ITGA11: variants seen among roughly 807,000 people sequenced by gnomAD.
ITGA11 encodes integrin alpha-11.
A neutral mutation model predicts 141.9 loss-of-function variants in ITGA11; 97 were observed. That is an observed-to-expected ratio of 0.68 (90% CI 0.58 to 0.81). The LOEUF is 0.81. Ranked by LOEUF, ITGA11 falls within the 30% of genes least tolerant of loss-of-function variation. ITGA11 has a pLI of 0.00. For synonymous variants in ITGA11, 658 were observed against 624.6 expected (o/e 1.05, Z -0.80); for missense variants, 1,387 against 1,559.2 (o/e 0.89, Z 1.86).
chr15:68,318,693 G>A (rs1000085519), intron 20 of ITGA11, among the ~76,000 whole-genome samples: 3 of 152,056 alleles, frequency 2.0e-5, no homozygotes, highest in African/African-American at 7.2e-5. Context: ...TCCCCTCCTG[G>A]CTATAGGAAC....
At position 68,335,630 on chromosome 15, in the gene ITGA11, T is replaced by A. The variant is rs1186267708; in HGVS notation, c.1425+67A>T. ...GTGGTCCAGGCATGCCTGTATTTAC[T>A]GCCCTCCCATTTGTCTGATCTGCCC... On this transcript the variant is annotated intron_variant, in intron 12 of 29. Coordinates refer to ENST00000315757, the MANE Select transcript of ITGA11 (RefSeq NM_001004439.2). The surrounding 1 kb of genome is among the most constrained non-coding windows in gnomAD (Gnocchi z 4.9). 1 of 1,548,470 alleles carries A rather than the reference T, an allele frequency of 6.5e-7. No homozygotes were observed. Among genetic ancestry groups the A allele is most frequent in the East Asian group, 2.3e-5 (1 of 43,026 alleles).
intron 1 of ITGA11, among the ~76,000 whole-genome samples, chr15:68,422,231 AT>A (rs1413192271): frequency 6.6e-6 from 1 of 151,994 alleles, no homozygotes; most frequent in Non-Finnish European, 1.5e-5. Context: ...CCCTAGCAAC[AT>A]TCTCCACTGC....
chr15:68,353,031 AT>A (rs1327972601), intron 7 of ITGA11, among the ~76,000 whole-genome samples: 1 of 152,208 alleles, frequency 6.6e-6, no homozygotes. Context: ...CTCTGAGGTT[AT>A]TCCTCATGGG....
intron 1 of ITGA11, among the ~76,000 whole-genome samples, chr15:68,405,051 C>T (rs1182085260): frequency 6.6e-6 from 1 of 152,218 alleles, no homozygotes; most frequent in East Asian, 1.9e-4. Flanking sequence ...CGCCACTCTC[C>T]TTCCCCTGGG....
At chr15:68,398,798 TAAG>T (rs1338182859) in intron 2 of ITGA11, among the ~76,000 whole-genome samples, 6 of 140,016 alleles carry the variant, frequency 4.3e-5, no homozygotes, top group East Asian at 2.0e-4. Context: ...TAAAATGAAA[TAAG>T]AATAGTTTAT....
intron 22 of ITGA11, among the ~76,000 whole-genome samples, chr15:68,314,243 G>A (rs1893493506): frequency 6.6e-6 from 1 of 152,202 alleles, no homozygotes; most frequent in South Asian, 2.1e-4. Flanking sequence ...TGACACCTGT[G>A]GCAAAGGCTG....
rs951071292 is a variant in ITGA11 at position 68,300,537 on chromosome 15, A to G, written c.*2522T>C. 2 of 152,228 alleles carry G rather than the reference A, an allele frequency of 1.3e-5. No homozygotes were observed. The highest frequency in any genetic ancestry group is 2.9e-5 in the Non-Finnish European group (2 of 68,036). 9.4% of individuals were successfully genotyped at this position (152,228 alleles called of 1,614,324 possible). ...ATAGACTTTGCTCCCTATAAGATGC[A>G]TCTTTGTTTGCTCTACCAGGCACTC... On this transcript the variant is annotated 3_prime_UTR_variant, in exon 30 of 30. Coordinates refer to ENST00000315757, the MANE Select transcript of ITGA11 (RefSeq NM_001004439.2).
In ITGA11 at chr15:68,332,361, C is replaced by G; in HGVS notation, c.1543G>C (p.Val515Leu). The change falls in exon 13 of 30, where the codon GTG becomes CTG. Residue 515 changes from valine to leucine, a missense_variant. Coordinates refer to ENST00000315757, the MANE Select transcript of ITGA11 (RefSeq NM_001004439.2). ...YFNEGRERGK[V>L]YVYELRQNLF... ...ACCTGTCTCAGCTCATAGACGTACA[C>G]CTTGCCTCGCTCACGGCCCTCGTTG... 1.9e-6 allele frequency: 3 copies of G among 1,608,140 alleles called. No homozygotes were observed. Among genetic ancestry groups the G allele is most frequent in the Non-Finnish European group, 2.5e-6 (3 of 1,177,834 alleles).
rs1894046677 is a variant in ITGA11, at chr15:68,328,300, G to A, written c.1902-38C>T. 1 of 1,588,534 alleles carries A rather than the reference G, an allele frequency of 6.3e-7. No individual in the cohort carries two copies. Among genetic ancestry groups the A allele is most frequent in the Admixed American group, 1.7e-5 (1 of 58,958 alleles). The stretch of plus-strand genomic sequence containing the variant: ...GGCCAGTGAGCTGGGGTGGGGCAGG[G>A]GCTCAGGCTGCCCTGCTGTGACCAT... On this transcript the variant is annotated intron_variant, in intron 15 of 29. Coordinates refer to ENST00000315757, the MANE Select transcript of ITGA11 (RefSeq NM_001004439.2). This position sits in a 1 kb window ranked among gnomAD's most constrained non-coding sequence, Gnocchi z 4.8.
chr15:68,355,871 G>T (rs1895056826), intron 7 of ITGA11, among the ~76,000 whole-genome samples: 1 of 152,122 alleles, frequency 6.6e-6, no homozygotes, highest in African/African-American at 2.4e-5. Context: ...ATTTATAGGT[G>T]TAACACTTAG....
rs769700453 is a variant in ITGA11, at chr15:68,332,354, A to G, written c.1550T>C (p.Val517Ala). 3.1e-6 allele frequency: 5 copies of G among 1,606,952 alleles called. No homozygotes were observed. Among genetic ancestry groups the G allele is most frequent in the Non-Finnish European group, 4.2e-6 (5 of 1,177,460 alleles). The change falls in exon 13 of 30, where the codon GTC (valine) becomes GCC (alanine). Residue 517 changes from valine (V) to alanine (A), a missense_variant. Val to Ala is a moderately conservative substitution (Grantham distance 64). Coordinates refer to ENST00000315757, the MANE Select transcript of ITGA11 (RefSeq NM_001004439.2). ...NEGRERGKVYVYELRQNLFVY... is the reference protein window; with the variant it reads ...NEGRERGKVYAYELRQNLFVY... ...CAGCTGTACCTGTCTCAGCTCATAG[A>G]CGTACACCTTGCCTCGCTCACGGCC...
chr15:68,301,501 T>G lies in ITGA11; in HGVS notation c.*1558A>C, dbSNP rs1256782177. ...AGGGTGATCTTGGGAGAGGGAGCGC[T>G]CCACCACTGGAGACGTCACACGGAG... is the stretch of plus-strand genomic sequence containing the variant. On this transcript the variant is annotated 3_prime_UTR_variant, in exon 30 of 30. Coordinates refer to ENST00000315757, the MANE Select transcript of ITGA11 (RefSeq NM_001004439.2). This position sits in a 1 kb window ranked among gnomAD's most constrained non-coding sequence, Gnocchi z 4.4. The G allele has an allele frequency of 1.3e-5, 2 of 152,150 alleles. No homozygotes were observed. The highest frequency in any genetic ancestry group is 2.9e-5 in the Non-Finnish European group (2 of 68,104). The allele number at this position is 152,150 out of a possible 1,614,324, so 9.4% of individuals were successfully genotyped here.
At position 68,311,014 on chromosome 15, in the gene ITGA11, A is replaced by G. The variant is rs752996913; in HGVS notation, c.3154T>C (p.Leu1052=). 1.4e-5 allele frequency: 22 copies of G among 1,605,294 alleles called. No homozygotes were observed. The highest frequency in any genetic ancestry group is 5.1e-5 in the Admixed American group (3 of 59,054). ...CTCACCAGCTGTGGAGCACGACGCA[A>G]GTCTTCCTCCACTGGGGTGGGCCGG... ...EYRPTPVEED[L]RRAPQLNHSN... Residue 1052 remains leucine (L), a synonymous_variant, in exon 26 of 30, where the codon TTG becomes CTG. Coordinates refer to ENST00000315757, the MANE Select transcript of ITGA11 (RefSeq NM_001004439.2).
intron 2 of ITGA11, among the ~76,000 whole-genome samples, chr15:68,392,583 T>C (rs1896147001): frequency 6.6e-6 from 1 of 152,364 alleles, no homozygotes; most frequent in Middle Eastern, 3.4e-3. Context: ...CCTCAGGTTC[T>C]TGGCTGACTC....
intron 5 of ITGA11, among the ~76,000 whole-genome samples, chr15:68,359,822 A>C (rs72743269): frequency 6.6e-6 from 1 of 152,148 alleles, no homozygotes; most frequent in African/African-American, 2.4e-5. Context: ...CTTTGAAATA[A>C]TGCATACACT....
At chr15:68,380,994 T>C in intron 2 of ITGA11, among the ~76,000 whole-genome samples, 1 of 152,212 alleles carries the variant, frequency 6.6e-6, no homozygotes. Flanking sequence ...TTTCTGGGGT[T>C]CTTAACTTCT....
At chr15:68,356,395 C>T (rs2140340219) in intron 7 of ITGA11, among the ~76,000 whole-genome samples, 1 of 152,048 alleles carries the variant, frequency 6.6e-6, no homozygotes, top group Admixed American at 6.5e-5. Context: ...AGAGCCACCA[C>T]TCCTGGCCGA....
intron 1 of ITGA11, among the ~76,000 whole-genome samples, chr15:68,425,354 C>G (rs1162309714): frequency 2.0e-5 from 3 of 152,228 alleles, no homozygotes; most frequent in African/African-American, 7.2e-5. Flanking sequence ...TTTCATTTTG[C>G]ACTGGGTCCT....
intron 26 of ITGA11, 48 bp downstream of exon 26, chr15:68,310,946 A>T (rs919415034): frequency 2.8e-6 from 4 of 1,444,064 alleles, no homozygotes; most frequent in Non-Finnish European, 3.8e-6. Flanking sequence ...CACCGGCGGC[A>T]CGCCTCTAAC....
Sources: allele counts gnomAD v4.1 joint callset (sites outside exome capture counted in the v4.1 genomes callset), GRCh38; gene constraint gnomAD v4.1.1; non-coding constraint Gnocchi (gnomAD v3.1); transcripts MANE v1.5; gene names NCBI Gene and HGNC (gene_info 2026-07-23, HGNC 2026-07-21).